Variants in DMD observed in about 807,000 individuals in gnomAD.
The protein encoded by DMD is mutant dystrophin.
Under a neutral mutation model 330.1 loss-of-function variants are expected in DMD, and 63 were observed. The observed-to-expected ratio is 0.19, with a 90% CI of 0.16 to 0.24. The LOEUF is 0.24. Ranked by LOEUF, DMD falls within the 10% of genes least tolerant of loss-of-function variation. The probability of loss-of-function intolerance (pLI) is 1.00; values close to 1 mark genes in which losing one functional copy is unlikely to be tolerated. For synonymous variants in DMD, 1,223 were observed against 959.8 expected, an observed-to-expected ratio of 1.27 and a Z score of -5.07; for missense variants, 3,344 against 2,684.1, an observed-to-expected ratio of 1.25 and a Z score of -5.43.
intron 55 of DMD, among the ~76,000 whole-genome samples, chrX:31,620,187 A>C (rs1467107211): frequency 9.0e-6 from 1 of 111,662 alleles, no homozygotes; most frequent in Non-Finnish European, 1.9e-5. Context: ...ACTGAACAAT[A>C]GATTCATGGG....
intron 63 of DMD, among the ~76,000 whole-genome samples, chrX:31,238,274 CCTCT>C (rs1218730869): frequency 9.0e-6 from 1 of 111,311 alleles, no homozygotes; most frequent in African/African-American, 3.3e-5. Flanking sequence ...CCTTTCTCTG[CCTCT>C]CTGTTTCTCT....
At chrX:32,639,855 G>GA (rs1000415718) in intron 11 of DMD, among the ~76,000 whole-genome samples, 26 of 107,661 alleles carry the variant, frequency 2.4e-4, no homozygotes, top group Non-Finnish European at 3.1e-4. Context: ...TACTCTTTGG[G>GA]AAAAAAAAAT....
chrX:33,120,940 A>T (rs1370424497), intron 1 of DMD, among the ~76,000 whole-genome samples: 7 of 107,745 alleles, frequency 6.5e-5, no homozygotes, highest in Non-Finnish European at 9.6e-5. Context: ...GGGGCTATAT[A>T]CTGGATCTTA....
Position 33,009,997 on chromosome X carries a change from CGTAT to C in DMD, c.93+10138_93+10141del, listed in dbSNP as rs1331829510. On this transcript the variant is annotated intron_variant, in intron 2 of 78. Coordinates refer to ENST00000357033, the MANE Select transcript of DMD (RefSeq NM_004006.3). ...GTGTATACACATGTGTGTATATACA[CGTAT>C]GTATGTGTATATACACATATGTGTG... Among the ~76,000 whole-genome samples, 3 of 25,354 alleles carry C rather than the reference CGTAT, an allele frequency of 1.2e-4. 1 individual carries two copies. The highest frequency in any genetic ancestry group is 2.2e-4 in the Non-Finnish European group (3 of 13,678). The allele number at this position is 25,354 out of a possible 115,157, so 22.0% of individuals were successfully genotyped here.
rs779414366 is a variant in DMD at position 32,951,614 on chromosome X, C to T, written c.93+68525G>A. Among the ~76,000 whole-genome samples the T allele has an allele frequency of 4.0e-4, 45 of 111,541 alleles. No homozygotes were observed. The South Asian group carries it at 0.017, about 42-fold the overall frequency. On this transcript the variant is annotated intron_variant, in intron 2 of 78. Coordinates refer to ENST00000357033, the MANE Select transcript of DMD (RefSeq NM_004006.3). Reference sequence around the variant, plus strand: ...GGGTTTCTCCTTTCTGAAACCTTTCCCACCCCCAGTCCTCAGAAATATACT... The same window carrying T: ...GGGTTTCTCCTTTCTGAAACCTTTCTCACCCCCAGTCCTCAGAAATATACT...
At chrX:31,185,777 T>G (rs893307805) in intron 67 of DMD, among the ~76,000 whole-genome samples, 1 of 100,301 alleles carries the variant, frequency 1.0e-5, no homozygotes, top group Non-Finnish European at 2.1e-5. Flanking sequence ...GTTTTTTGTT[T>G]TTTTTTTTTA....
At chrX:31,783,362 T>C (rs1374060553) in intron 50 of DMD, among the ~76,000 whole-genome samples, 2 of 111,760 alleles carry the variant, frequency 1.8e-5, no homozygotes, top group African/African-American at 3.2e-5. Flanking sequence ...CTAAATCTCT[T>C]ATTTGTTTGG....
At chrX:32,988,790 C>G (rs1236203735) in intron 2 of DMD, among the ~76,000 whole-genome samples, 1 of 111,427 alleles carries the variant, frequency 9.0e-6, no homozygotes, top group Non-Finnish European at 1.9e-5. Flanking sequence ...AGTTTTGGTT[C>G]TCATGGAAAT....
chrX:32,639,472 C>A (rs2059310568), intron 11 of DMD, among the ~76,000 whole-genome samples: 1 of 112,244 alleles, frequency 8.9e-6, no homozygotes. Flanking sequence ...AAAGGAATGG[C>A]ACTTAGTTTT....
intron 21 of DMD, among the ~76,000 whole-genome samples, chrX:32,480,374 ATGTG>A (rs113099165): frequency 0.031 from 3,184 of 102,843 alleles, 113 homozygotes; most frequent in African/African-American, 0.11. Flanking sequence ...AATTTTATAA[ATGTG>A]TGTGTGTGTG....
intron 44 of DMD, among the ~76,000 whole-genome samples, chrX:32,054,810 C>T (rs1424164630): frequency 3.4e-5 from 3 of 88,987 alleles, no homozygotes; most frequent in Non-Finnish European, 4.2e-5. Flanking sequence ...TTAACTCTTT[C>T]TCTAATGTGT....
At chrX:32,821,360 G>C (rs1262484349) in intron 5 of DMD, among the ~76,000 whole-genome samples, 1 of 110,639 alleles carries the variant, frequency 9.0e-6, no homozygotes, top group African/African-American at 3.3e-5. Flanking sequence ...CGAGGCAGGA[G>C]GATCACGAGG....
At chrX:32,044,155 T>C (rs1468704531) in intron 44 of DMD, among the ~76,000 whole-genome samples, 1 of 111,264 alleles carries the variant, frequency 9.0e-6, no homozygotes, top group Non-Finnish European at 1.9e-5. Flanking sequence ...AAGAAGTATA[T>C]AAAGGAACAT....
chrX:31,749,329 T>C (rs1480963822), intron 51 of DMD, among the ~76,000 whole-genome samples: 3 of 83,259 alleles, frequency 3.6e-5, no homozygotes, highest in African/African-American at 4.6e-5. Context: ...GAGTGTGATG[T>C]TCCCCTTCCT....
At chrX:32,296,636 G>T (rs936106198) in intron 42 of DMD, among the ~76,000 whole-genome samples, 14 of 111,197 alleles carry the variant, frequency 1.3e-4, no homozygotes, top group African/African-American at 4.3e-4. Context: ...ACATTAATTG[G>T]CTAATTTGTC....
intron 43 of DMD, among the ~76,000 whole-genome samples, chrX:32,276,346 C>G (rs2097387140): frequency 8.9e-6 from 1 of 112,410 alleles, no homozygotes; most frequent in Admixed American, 9.4e-5. Context: ...ATAGCCTGGG[C>G]TAAGAGCTAG....
At position 32,252,685 on chromosome X, in the gene DMD, A is replaced by AAATATATAAATAT. The variant is rs1569553590; in HGVS notation, c.6290+34843_6290+34844insATATTTATATATT. The stretch of plus-strand genomic sequence containing the variant: ...ATAAATATATATATATAAATATATA[A>AAATATATAAATAT]ATATATATATAAATATATATAAATA... On this transcript the variant is annotated intron_variant, in intron 43 of 78. Transcript: ENST00000357033. 3.9e-3 allele frequency among the ~76,000 whole-genome samples: 104 copies of AAATATATAAATAT among 26,490 alleles called. 10 individuals carry two copies. Among genetic ancestry groups the AAATATATAAATAT allele is most frequent in the African/African-American group, 0.019 (101 of 5,193 alleles). 23.0% of individuals were successfully genotyped at this position (26,490 alleles called of 115,157 possible).
chrX:32,509,561 T>C (rs1483801331), intron 18 of DMD, among the ~76,000 whole-genome samples: 1 of 111,647 alleles, frequency 9.0e-6, no homozygotes, highest in Non-Finnish European at 1.9e-5. Context: ...TCACATCTAT[T>C]CTCTTACTCA....
chrX:32,260,357 A>G (rs961813073), intron 43 of DMD, among the ~76,000 whole-genome samples: 2 of 111,577 alleles, frequency 1.8e-5, no homozygotes, highest in Admixed American at 1.9e-4. Flanking sequence ...TCATTAGGCC[A>G]CTTTGATTTC....
Sources: allele counts gnomAD v4.1 joint callset (sites outside exome capture counted in the v4.1 genomes callset), GRCh38; gene constraint gnomAD v4.1.1; transcripts MANE v1.5; gene names NCBI Gene and HGNC (gene_info 2026-07-23, HGNC 2026-07-21).